Variants in CYP3A7 observed in about 807,000 individuals in gnomAD.
CYP3A7 encodes the protein cytochrome P450 3A7.
CYP3A7 carries 45 observed loss-of-function variants against 55.2 expected under a neutral mutation model. The ratio of observed to expected loss-of-function variants is 0.82; its 90% CI spans 0.64 to 1.05. CYP3A7 has a LOEUF of 1.05. Among genes scored for constraint, CYP3A7 ranks in the 50% least tolerant of loss-of-function variants. CYP3A7 has a pLI of 0.00. For missense variants in CYP3A7, 548 were observed against 605.3 expected, an observed-to-expected ratio of 0.91 and a Z score of 0.99; for synonymous variants, 180 against 207.4, an observed-to-expected ratio of 0.87 and a Z score of 1.13.
chr7:99,726,715 T>G (rs1814427058), intron 2 of CYP3A7, among the ~76,000 whole-genome samples: 1 of 152,186 alleles, frequency 6.6e-6, no homozygotes, highest in Non-Finnish European at 1.5e-5. Context: ...TCCCACATTA[T>G]TCAATATATT....
intron 8 of CYP3A7, 123 bp downstream of exon 8, chr7:99,714,432 C>G: frequency 6.8e-7 from 1 of 1,466,228 alleles, no homozygotes; most frequent in South Asian, 1.3e-5. Flanking sequence ...TTGCTCTAAA[C>G]ATAAGTACTC....
At chr7:99,712,049 G>A (rs1813767043) in intron 9 of CYP3A7, among the ~76,000 whole-genome samples, 1 of 152,184 alleles carries the variant, frequency 6.6e-6, no homozygotes. Context: ...CATTAAAATG[G>A]TATAAGCTCT....
intron 3 of CYP3A7, among the ~76,000 whole-genome samples, chr7:99,721,627 A>G (rs1484222503): frequency 6.6e-6 from 1 of 152,186 alleles, no homozygotes; most frequent in Non-Finnish European, 1.5e-5. Flanking sequence ...GTCTCAGCCT[A>G]GTTTAGACCG....
Position 99,705,467 on chromosome 7 carries a change from T to C in CYP3A7, c.*33A>G. The C allele has an allele frequency of 2.5e-6, 4 of 1,609,924 alleles. No individual in the cohort carries two copies. The highest frequency in any genetic ancestry group is 2.5e-6 in the Non-Finnish European group (3 of 1,176,664). On this transcript the variant is annotated 3_prime_UTR_variant, in exon 13 of 13. Coordinates refer to ENST00000336374, the MANE Select transcript of CYP3A7 (RefSeq NM_000765.5). Reference sequence around the variant, plus strand: ...TCTCTGGTGTTCTGGGGCACAGCTTTCTTAAAGAGCAAACCAGAAGTCCTT... The same window carrying C: ...TCTCTGGTGTTCTGGGGCACAGCTTCCTTAAAGAGCAAACCAGAAGTCCTT...
At position 99,717,552 on chromosome 7, in the gene CYP3A7, T is replaced by C. The variant is rs1403114332; in HGVS notation, c.406A>G (p.Thr136Ala). Reference protein sequence around the residue: ...WKRIRSLLSPTFTSGKLKEMV... With the variant: ...WKRIRSLLSPAFTSGKLKEMV... ...TCCTTGAGTTTTCCGCTGGTGAATG[T>C]TGGAGACAGCAATGATCGTATTCTC... Residue 136 changes from threonine (T) to alanine (A), a missense_variant, in exon 5 of 13, where the codon ACA (threonine) becomes GCA (alanine). Physicochemically the swap from Thr to Ala is moderately conservative, Grantham distance 58. Coordinates refer to ENST00000336374, the MANE Select transcript of CYP3A7 (RefSeq NM_000765.5). The C allele has an allele frequency of 1.2e-6, 2 of 1,613,622 alleles. No individual in the cohort carries two copies. Among genetic ancestry groups the C allele is most frequent in the East Asian group, 2.2e-5 (1 of 44,826 alleles).
rs778869260 is a variant in CYP3A7, at chr7:99,709,228, C to A, written c.1060G>T (p.Glu354Ter). The change falls in exon 11 of 13, where the codon GAG becomes TAG. Residue 354 changes from glutamate to a stop codon, truncating the protein, a stop_gained. Transcript: ENST00000336374. LOFTEE classifies it high-confidence loss of function. ...PPTYDTVLQL[E>*]YLDMVVNETL... ...TCATTCACCACCATGTCAAGATACTCCAACTGTAGCACAGTATCATAGGTG... is the reference window on the plus strand; with the variant it reads ...TCATTCACCACCATGTCAAGATACTACAACTGTAGCACAGTATCATAGGTG... The A allele has an allele frequency of 9.3e-6, 15 of 1,613,900 alleles. No individual in the cohort carries two copies. In the South Asian group the frequency reaches 1.4e-4, roughly 15 times the overall value.
intron 9 of CYP3A7, among the ~76,000 whole-genome samples, chr7:99,713,080 G>A (rs560101505): frequency 6.6e-6 from 1 of 152,322 alleles, no homozygotes; most frequent in East Asian, 1.9e-4. Flanking sequence ...TGCTGCAAAA[G>A]TAATTGCGGT....
At chr7:99,724,097 CT>C (rs1814317202) in intron 2 of CYP3A7, among the ~76,000 whole-genome samples, 1 of 152,170 alleles carries the variant, frequency 6.6e-6, no homozygotes, top group Non-Finnish European at 1.5e-5. Context: ...ACCATCTCCC[CT>C]CTCTCCATGT....
chr7:99,732,187 T>C (rs1316900957), intron 1 of CYP3A7, among the ~76,000 whole-genome samples: 1 of 152,094 alleles, frequency 6.6e-6, no homozygotes, highest in African/African-American at 2.4e-5. Context: ...GATCTGGTGG[T>C]TTATAAGTGT....
chr7:99,731,582 T>C (rs1814622809), intron 1 of CYP3A7, among the ~76,000 whole-genome samples: 1 of 152,170 alleles, frequency 6.6e-6, no homozygotes, highest in Admixed American at 6.5e-5. Flanking sequence ...GATGATGAGA[T>C]TTTGCATCAC....
intron 2 of CYP3A7, among the ~76,000 whole-genome samples, chr7:99,723,027 T>TAAA (rs11403618): frequency 6.6e-6 from 1 of 150,870 alleles, no homozygotes. Flanking sequence ...CACTGAAACT[T>TAAA]AAAAAAAAAC....
Position 99,707,978 on chromosome 7 carries a change from G to A in CYP3A7, c.1254-4C>T, listed in dbSNP as rs757718266. 5 of 1,613,672 alleles carry A rather than the reference G, an allele frequency of 3.1e-6. No individual in the cohort carries two copies. The highest frequency in any genetic ancestry group is 4.2e-6 in the Non-Finnish European group (5 of 1,179,724). Reference sequence around the variant, plus strand: ...GTCCTTGTTCTTTTTACTGAACCTGGTTCCATATTGGTAGATATTTTAAAA... The same window carrying A: ...GTCCTTGTTCTTTTTACTGAACCTGATTCCATATTGGTAGATATTTTAAAA... On this transcript the variant is annotated splice_region_variant and splice_polypyrimidine_tract_variant and intron_variant, in intron 11 of 12. Transcript: ENST00000336374.
chr7:99,713,157 A>G (rs1813819118), intron 9 of CYP3A7, among the ~76,000 whole-genome samples: 1 of 152,240 alleles, frequency 6.6e-6, no homozygotes, highest in Admixed American at 6.5e-5. Flanking sequence ...ATTTCCAGGA[A>G]GAAACTTTAA....
chr7:99,711,758 A>G (rs1813756881), intron 9 of CYP3A7, among the ~76,000 whole-genome samples: 1 of 149,158 alleles, frequency 6.7e-6, no homozygotes, highest in African/African-American at 2.4e-5. Flanking sequence ...ACAAGAGCGA[A>G]AACTCTGTCT....
chr7:99,732,951 C>T (rs987986748), intron 1 of CYP3A7, among the ~76,000 whole-genome samples: 1 of 152,150 alleles, frequency 6.6e-6, no homozygotes, highest in Non-Finnish European at 1.5e-5. Flanking sequence ...GCCATTAAGG[C>T]AGTATAGGTT....
chr7:99,731,495 T>A (rs1364068244), intron 1 of CYP3A7, among the ~76,000 whole-genome samples: 2 of 152,194 alleles, frequency 1.3e-5, no homozygotes, highest in African/African-American at 4.8e-5. Flanking sequence ...GTCTTTTTAG[T>A]AAGTGGACTC....
intron 2 of CYP3A7, among the ~76,000 whole-genome samples, chr7:99,729,866 A>C (rs562823240): frequency 2.1e-4 from 32 of 152,284 alleles, no homozygotes; most frequent in Admixed American, 1.8e-3. Flanking sequence ...CCTGCACCCA[A>C]GTGATTAAAA....
At chr7:99,732,239 A>T (rs974159217) in intron 1 of CYP3A7, among the ~76,000 whole-genome samples, 2 of 152,088 alleles carry the variant, frequency 1.3e-5, no homozygotes, top group Non-Finnish European at 2.9e-5. Context: ...TGCTCCAGTC[A>T]TGTAAGATCT....
chr7:99,715,809 T>C lies in CYP3A7; in HGVS notation c.619A>G (p.Thr207Ala). 6.2e-7 allele frequency: 1 copy of C among 1,613,936 alleles called. No homozygotes were observed. ...NNPQDPFVEN[T>A]KKLLRFNPLD... ...GGATTAAATCTTAAAAGCTTCTTGG[T>C]GTTTTCCACAAAGGGGTCTTGTGGA... The change falls in exon 7 of 13, where the codon ACC (threonine) becomes GCC (alanine). Residue 207 changes from threonine (T) to alanine (A), a missense_variant. Transcript: ENST00000336374.
Sources: allele counts gnomAD v4.1 joint callset (sites outside exome capture counted in the v4.1 genomes callset), GRCh38; gene constraint gnomAD v4.1.1; transcripts MANE v1.5; gene names NCBI Gene and HGNC (gene_info 2026-07-23, HGNC 2026-07-21).